MAGI2: variants seen among roughly 807,000 people sequenced by gnomAD.
MAGI2 encodes the protein membrane associated guanylate kinase, WW and PDZ domain containing 2, also known as membrane-associated guanylate kinase, WW and PDZ domain-containing protein 2.
MAGI2 carries 35 observed loss-of-function variants against 133.3 expected under a neutral mutation model. The observed-to-expected ratio is 0.26, with a 90% CI of 0.20 to 0.35. MAGI2 has a LOEUF of 0.35. MAGI2 is among the 10% of genes least tolerant of loss of function. The pLI, the probability that MAGI2 is intolerant of heterozygous loss-of-function variation, is 1.00. For synonymous variants in MAGI2, 729 were observed against 710.6 expected (o/e 1.03, Z -0.41); for missense variants, 1,636 against 1,863.4 (o/e 0.88, Z 2.25).
intron 1 of MAGI2, among the ~76,000 whole-genome samples, chr7:79,091,275 T>A (rs1249507411): frequency 6.6e-6 from 1 of 152,104 alleles, no homozygotes; most frequent in Admixed American, 6.6e-5. Flanking sequence ...AATAAAGCAG[T>A]CTTCCCCTAA....
At position 78,019,129 on chromosome 7, in the gene MAGI2, G is replaced by A; in HGVS notation, c.*186C>T. On this transcript the variant is annotated 3_prime_UTR_variant, in exon 22 of 22. Coordinates refer to ENST00000354212, the MANE Select transcript of MAGI2 (RefSeq NM_012301.4). ...AACCGGGGGCTTTAGGATCAGTTTA[G>A]GTCTGCGCGTTGATGCGATGCCGCC... The A allele has an allele frequency of 1.6e-6, 1 of 638,074 alleles. No homozygotes were observed. Among genetic ancestry groups the A allele is most frequent in the Non-Finnish European group, 2.6e-6 (1 of 383,006 alleles). The allele number at this position is 638,074 out of a possible 1,614,324, so 39.5% of individuals were successfully genotyped here.
intron 1 of MAGI2, among the ~76,000 whole-genome samples, chr7:79,196,029 A>G (rs1376993856): frequency 1.3e-5 from 2 of 151,992 alleles, no homozygotes; most frequent in Non-Finnish European, 2.9e-5. Flanking sequence ...ATTGTACAAC[A>G]TGGTGAATGT....
At chr7:79,183,532 A>T (rs969609051) in intron 1 of MAGI2, among the ~76,000 whole-genome samples, 1 of 151,796 alleles carries the variant, frequency 6.6e-6, no homozygotes, top group African/African-American at 2.4e-5. Flanking sequence ...CCTTTATTAG[A>T]TATATATTCC....
intron 1 of MAGI2, among the ~76,000 whole-genome samples, chr7:79,040,852 C>T (rs957205302): frequency 1.3e-5 from 2 of 152,178 alleles, no homozygotes; most frequent in Non-Finnish European, 2.9e-5. Flanking sequence ...TCAATTAAAC[C>T]TCTTTCCTTT....
chr7:78,795,196 ATTAT>A (rs1370049168), intron 2 of MAGI2, among the ~76,000 whole-genome samples: 1 of 151,874 alleles, frequency 6.6e-6, no homozygotes, highest in Admixed American at 6.6e-5. Context: ...TATATATGAG[ATTAT>A]TTGATCATAT....
At chr7:79,275,728 C>G (rs183144345) in intron 1 of MAGI2, among the ~76,000 whole-genome samples, 8 of 152,260 alleles carry the variant, frequency 5.3e-5, no homozygotes, top group Non-Finnish European at 8.8e-5. Flanking sequence ...GGGGCCAACA[C>G]AGCTGGTGTC....
At chr7:78,116,251 A>G (rs1265010120) in intron 20 of MAGI2, among the ~76,000 whole-genome samples, 4 of 152,140 alleles carry the variant, frequency 2.6e-5, no homozygotes, top group Non-Finnish European at 4.4e-5. Context: ...ATTAGAATGT[A>G]TTTGGAACTT....
At chr7:79,331,299 A>G (rs1840055881) in intron 1 of MAGI2, among the ~76,000 whole-genome samples, 1 of 152,118 alleles carries the variant, frequency 6.6e-6, no homozygotes, top group Admixed American at 6.6e-5. Flanking sequence ...TGTAAAAATA[A>G]TTATATATAT....
chr7:78,098,600 G>A (rs931340735), intron 20 of MAGI2, among the ~76,000 whole-genome samples: 14 of 152,090 alleles, frequency 9.2e-5, no homozygotes, highest in East Asian at 1.9e-4. Context: ...TAGCAAAAAC[G>A]AGATCTATAT....
chr7:78,687,676 A>G lies in MAGI2; in HGVS notation c.419-60437T>C, dbSNP rs144653797. 4.0e-3 allele frequency among the ~76,000 whole-genome samples: 615 copies of G among 152,274 alleles called. 4 individuals carry two copies. The highest frequency in any genetic ancestry group is 0.014 in the African/African-American group (581 of 41,566). On this transcript the variant is annotated intron_variant, in intron 2 of 21. Transcript: ENST00000354212. ...AAAAAATGAGCTTCTAAAGTGCAAA[A>G]TGAGCTTATAGACTGGGCGCGGTGG...
intron 1 of MAGI2, among the ~76,000 whole-genome samples, chr7:79,215,810 T>C (rs1217577183): frequency 6.6e-6 from 1 of 152,044 alleles, no homozygotes; most frequent in African/African-American, 2.4e-5. Flanking sequence ...CCTGTGGCTG[T>C]GTCACAGGCA....
intron 2 of MAGI2, chr7:78,770,772 G>A (rs1274352015): frequency 6.6e-6 from 1 of 152,200 alleles, no homozygotes; most frequent in Non-Finnish European, 1.5e-5. Flanking sequence ...AGAAGGGTTT[G>A]GAGGCTATAA....
chr7:79,192,968 A>G (rs1377447811), intron 1 of MAGI2, among the ~76,000 whole-genome samples: 4 of 151,908 alleles, frequency 2.6e-5, no homozygotes, highest in Non-Finnish European at 5.9e-5. Context: ...CTGGGATAGA[A>G]TGAGGGCAGA....
chr7:78,290,228 C>T (rs565905368), intron 9 of MAGI2, among the ~76,000 whole-genome samples: 48 of 152,258 alleles, frequency 3.2e-4, no homozygotes, highest in African/African-American at 1.1e-3. Flanking sequence ...CAGAGACACA[C>T]ATAGACTCAA....
At position 78,097,197 on chromosome 7, in the gene MAGI2, G is replaced by T. The variant is rs147019557; in HGVS notation, c.3568-18112C>A. Among the ~76,000 whole-genome samples the T allele has an allele frequency of 3.9e-3, 591 of 152,258 alleles. 2 individuals are homozygous for T. The highest frequency in any genetic ancestry group is 6.9e-3 in the Non-Finnish European group (470 of 67,984). ...TGGTGAGGTTGTGGAGAAAGGGAAA[G>T]CTTATACACTATTGGTGGAAGTGTA... On this transcript the variant is annotated intron_variant, in intron 20 of 21. Coordinates refer to ENST00000354212, the MANE Select transcript of MAGI2 (RefSeq NM_012301.4).
intron 2 of MAGI2, among the ~76,000 whole-genome samples, chr7:78,827,717 AAC>A (rs2151437001): frequency 6.6e-6 from 1 of 152,344 alleles, no homozygotes; most frequent in South Asian, 2.1e-4. Context: ...ATAATATTGA[AAC>A]ACAACCAAAA....
intron 3 of MAGI2, among the ~76,000 whole-genome samples, chr7:78,548,650 G>T (rs1030262845): frequency 1.3e-5 from 2 of 152,162 alleles, no homozygotes; most frequent in Non-Finnish European, 2.9e-5. Flanking sequence ...AGCTGAGATT[G>T]TATCACTGAA....
chr7:78,678,789 A>G (rs1439511957), intron 2 of MAGI2, among the ~76,000 whole-genome samples: 2 of 152,140 alleles, frequency 1.3e-5, no homozygotes, highest in Non-Finnish European at 2.9e-5. Flanking sequence ...TGTTGCCCAA[A>G]TGACTATAGA....
chr7:78,191,758 A>G (rs140647531), intron 12 of MAGI2, among the ~76,000 whole-genome samples: 2 of 152,232 alleles, frequency 1.3e-5, no homozygotes, highest in Non-Finnish European at 2.9e-5. Flanking sequence ...TGTACCTGTC[A>G]TGTTCTGTTT....
Sources: allele counts gnomAD v4.1 joint callset (sites outside exome capture counted in the v4.1 genomes callset), GRCh38; gene constraint gnomAD v4.1.1; transcripts MANE v1.5; gene names NCBI Gene and HGNC (gene_info 2026-07-23, HGNC 2026-07-21).